The following RGS7BP variants were observed in gnomAD, a reference collection of about 807,000 sequenced individuals.
RGS7BP encodes the protein regulator of G protein signaling 7 binding protein.
Under a neutral mutation model 31.3 loss-of-function variants are expected in RGS7BP, and 9 were observed. The ratio of observed to expected loss-of-function variants is 0.29; its 90% CI spans 0.17 to 0.50. RGS7BP has a LOEUF of 0.50. Among genes scored for constraint, RGS7BP ranks in the 20% least tolerant of loss-of-function variants. The pLI, the probability that RGS7BP is intolerant of heterozygous loss-of-function variation, is 0.98. For synonymous variants in RGS7BP, 115 were observed against 120.1 expected (o/e 0.96, Z 0.28); for missense variants, 274 against 322.0 (o/e 0.85, Z 1.14).
chr5:64,592,225 T>C (rs1305174961), intron 3 of RGS7BP, among the ~76,000 whole-genome samples: 1 of 152,152 alleles, frequency 6.6e-6, no homozygotes. Context: ...CTAAAGAAGA[T>C]ACCATATCAA....
intron 3 of RGS7BP, among the ~76,000 whole-genome samples, chr5:64,588,111 G>A (rs2111937830): frequency 6.6e-6 from 1 of 152,312 alleles, no homozygotes; most frequent in African/African-American, 2.4e-5. Flanking sequence ...AGAGATTTAT[G>A]AGTCTGCATA....
intron 5 of RGS7BP, among the ~76,000 whole-genome samples, chr5:64,607,132 A>C (rs1253357770): frequency 6.6e-6 from 1 of 152,130 alleles, no homozygotes; most frequent in Non-Finnish European, 1.5e-5. Flanking sequence ...CTAATTTACA[A>C]ATAAGTATGA....
At chr5:64,592,019 T>A (rs780353236) in intron 3 of RGS7BP, among the ~76,000 whole-genome samples, 8 of 152,154 alleles carry the variant, frequency 5.3e-5, no homozygotes, top group Non-Finnish European at 1.0e-4. Flanking sequence ...AGCAAGATCA[T>A]TTCTGATAGT....
intron 2 of RGS7BP, among the ~76,000 whole-genome samples, chr5:64,512,905 C>A (rs12518481): frequency 0.069 from 10,480 of 152,154 alleles, 447 homozygotes; most frequent in Admixed American, 0.11. Flanking sequence ...CTTCATATAT[C>A]AAATAATATT....
At chr5:64,549,998 T>C (rs1281724209) in intron 2 of RGS7BP, among the ~76,000 whole-genome samples, 1 of 152,224 alleles carries the variant, frequency 6.6e-6, no homozygotes, top group Non-Finnish European at 1.5e-5. Context: ...CCAAGTTTTT[T>C]GTTACTTTAT....
intron 3 of RGS7BP, among the ~76,000 whole-genome samples, chr5:64,593,623 A>T (rs1388739489): frequency 6.6e-6 from 1 of 152,216 alleles, no homozygotes; most frequent in Admixed American, 6.5e-5. Flanking sequence ...ACATAATGTT[A>T]TACAACAGCT....
chr5:64,525,789 G>A (rs1188824995), intron 2 of RGS7BP, among the ~76,000 whole-genome samples: 1 of 152,170 alleles, frequency 6.6e-6, no homozygotes, highest in Non-Finnish European at 1.5e-5. Context: ...GAATTTCTGA[G>A]TAAGCAGAGC....
At chr5:64,534,967 G>A (rs1343761013) in intron 2 of RGS7BP, among the ~76,000 whole-genome samples, 4 of 152,204 alleles carry the variant, frequency 2.6e-5, no homozygotes, top group Non-Finnish European at 5.9e-5. Context: ...AGGGGCCAGG[G>A]ATTTAGGGTG....
intron 2 of RGS7BP, among the ~76,000 whole-genome samples, chr5:64,557,670 C>G (rs1380844953): frequency 6.6e-6 from 1 of 152,104 alleles, no homozygotes; most frequent in Non-Finnish European, 1.5e-5. Context: ...TAAATGAACA[C>G]CACTGTAAGT....
intron 2 of RGS7BP, among the ~76,000 whole-genome samples, chr5:64,512,021 G>A (rs1222686823): frequency 6.6e-6 from 1 of 152,196 alleles, no homozygotes; most frequent in East Asian, 1.9e-4. Flanking sequence ...ACCTGAGAAT[G>A]AGGAGAGATG....
chr5:64,535,754 T>C (rs1030861895), intron 2 of RGS7BP, among the ~76,000 whole-genome samples: 2 of 152,236 alleles, frequency 1.3e-5, no homozygotes, highest in Non-Finnish European at 2.9e-5. Context: ...TCCTCCTTTA[T>C]GGAGATTAAA....
chr5:64,590,565 A>G (rs1742885744), intron 3 of RGS7BP, among the ~76,000 whole-genome samples: 2 of 152,184 alleles, frequency 1.3e-5, no homozygotes. Context: ...TTTTAAATAA[A>G]CCATTAAACC....
intron 2 of RGS7BP, among the ~76,000 whole-genome samples, chr5:64,567,883 T>TATATATA (rs376170594): frequency 0.055 from 8,389 of 152,230 alleles, 338 homozygotes; most frequent in Non-Finnish European, 0.088. Flanking sequence ...GTTGATTTCT[T>TATATATA]TCCAGTATAA....
intron 2 of RGS7BP, among the ~76,000 whole-genome samples, chr5:64,515,467 T>C (rs1748947548): frequency 6.6e-6 from 1 of 152,156 alleles, no homozygotes; most frequent in African/African-American, 2.4e-5. Flanking sequence ...ATAACATCTC[T>C]CTGCTTAGGG....
At chr5:64,587,622 C>A (rs890711560) in intron 3 of RGS7BP, among the ~76,000 whole-genome samples, 5 of 152,096 alleles carry the variant, frequency 3.3e-5, no homozygotes, top group Non-Finnish European at 7.4e-5. Context: ...GACTGAGCAG[C>A]AAAGCAGGAA....
intron 2 of RGS7BP, among the ~76,000 whole-genome samples, chr5:64,536,420 G>A (rs1383820752): frequency 6.6e-6 from 1 of 152,114 alleles, no homozygotes; most frequent in Admixed American, 6.5e-5. Context: ...TGTTCCTTAT[G>A]GTGTTTATTG....
chr5:64,610,626 T>C lies in RGS7BP; in HGVS notation c.*1374T>C, dbSNP rs540574637. On this transcript the variant is annotated 3_prime_UTR_variant, in exon 6 of 6. Coordinates refer to ENST00000334025, the MANE Select transcript of RGS7BP (RefSeq NM_001029875.3). ...CAACCCTGTTCTTTACCAATACTTA[T>C]GTGCACAGGCATTTATATGTATACC... 3.3e-5 allele frequency: 5 copies of C among 152,120 alleles called. No homozygotes were observed. The highest frequency in any genetic ancestry group is 9.6e-5 in the African/African-American group (4 of 41,556). The allele number at this position is 152,120 out of a possible 1,614,324, so 9.4% of individuals were successfully genotyped here. A position where few individuals can be genotyped will look rare whatever the true frequency, so the allele number is the denominator to read the frequency against.
chr5:64,518,150 C>T (rs1410174339), intron 2 of RGS7BP, among the ~76,000 whole-genome samples: 2 of 152,154 alleles, frequency 1.3e-5, no homozygotes, highest in Non-Finnish European at 2.9e-5. Flanking sequence ...ATACATAGTA[C>T]TTAGGTCATA....
chr5:64,520,892 G>T (rs1427873035), intron 2 of RGS7BP, among the ~76,000 whole-genome samples: 6 of 152,206 alleles, frequency 3.9e-5, no homozygotes, highest in African/African-American at 1.4e-4. Context: ...CATTGAGGCT[G>T]GGAGAAAAGA....
Sources: gnomAD v4.1 joint callset for allele counts (sites outside exome capture counted in the v4.1 genomes callset) on GRCh38, gnomAD v4.1.1 for gene constraint, MANE v1.5 for transcripts, NCBI Gene and HGNC (gene_info 2026-07-23, HGNC 2026-07-21) for gene names.